The following RAD54L2 variants were observed in gnomAD, a reference collection of about 807,000 sequenced individuals.
The protein encoded by RAD54L2 is helicase ARIP4.
RAD54L2 carries 27 observed loss-of-function variants against 138.4 expected under a neutral mutation model. That is an observed-to-expected ratio of 0.20 (90% CI 0.14 to 0.27). The LOEUF (loss-of-function observed/expected upper bound fraction) is 0.27. Ranked by LOEUF, RAD54L2 falls within the 10% of genes least tolerant of loss-of-function variation. The pLI, the probability that RAD54L2 is intolerant of heterozygous loss-of-function variation, is 1.00. For synonymous variants in RAD54L2, 644 were observed against 723.2 expected, an observed-to-expected ratio of 0.89 and a Z score of 1.76; for missense variants, 1,396 against 1,890.2, an observed-to-expected ratio of 0.74 and a Z score of 4.85.
chr3:51,547,389 G>A lies in RAD54L2; in HGVS notation c.-55+5739G>A, dbSNP rs1315262971. Among the ~76,000 whole-genome samples, 13 of 151,866 alleles carry A rather than the reference G, an allele frequency of 8.6e-5. No individual in the cohort carries two copies. In the South Asian group the frequency reaches 2.5e-3, roughly 29 times the overall value. On this transcript the variant is annotated intron_variant, in intron 2 of 22. Transcript: ENST00000684192. ...AGACTCTGCCTCAAAAAAAAAAAAG[G>A]AAGATGTTATAATATAGATTGAAAG...
chr3:51,561,137 A>G (rs1699087643), intron 2 of RAD54L2, among the ~76,000 whole-genome samples: 1 of 152,094 alleles, frequency 6.6e-6, no homozygotes, highest in African/African-American at 2.4e-5. Context: ...CTCCAGGCTC[A>G]TTTTCTACTC....
rs139044505 is a variant in RAD54L2, at chr3:51,540,878, C to G, written c.-116-711C>G. Among the ~76,000 whole-genome samples, 429 of 152,076 alleles carry G rather than the reference C, an allele frequency of 2.8e-3. 3 individuals are homozygous for G. The highest frequency in any genetic ancestry group is 9.8e-3 in the African/African-American group (407 of 41,500). ...CCTGCATGGCGAAACCCTGTCTCTA[C>G]TAAAACTACAAAAATTAGCCGGTGG... On this transcript the variant is annotated intron_variant, in intron 1 of 22. Transcript: ENST00000684192.
chr3:51,559,832 A>G (rs941556486), intron 2 of RAD54L2, among the ~76,000 whole-genome samples: 6 of 152,242 alleles, frequency 3.9e-5, no homozygotes, highest in Non-Finnish European at 5.9e-5. Flanking sequence ...ATGAGAGCCA[A>G]CGTACTGATA....
intron 2 of RAD54L2, among the ~76,000 whole-genome samples, chr3:51,554,819 A>G (rs1265350777): frequency 6.6e-6 from 1 of 152,046 alleles, no homozygotes; most frequent in African/African-American, 2.4e-5. Flanking sequence ...CCCTTCTCTT[A>G]ACTCAGACCC....
chr3:51,666,209 T>TTTTA lies in RAD54L2; in HGVS notation c.*2789_*2790insTTTA, dbSNP rs1701909521. ...TTTTTTTTTTTTTTTTTTTTTTTTT[T>TTTTA]AAAGAAAATAACCTGAAAACACTTC... is the stretch of plus-strand genomic sequence containing the variant. On this transcript the variant is annotated 3_prime_UTR_variant, in exon 23 of 23. Coordinates refer to ENST00000684192, the MANE Select transcript of RAD54L2 (RefSeq NM_015106.4). The TTTTA allele has an allele frequency of 1.1e-4, 14 of 122,752 alleles. No individual in the cohort carries two copies. The highest frequency in any genetic ancestry group is 4.6e-4 in the African/African-American group (14 of 30,200). The allele number at this position is 122,752 out of a possible 1,614,324, so 7.6% of individuals were successfully genotyped here.
At chr3:51,588,500 A>G (rs904625820) in intron 2 of RAD54L2, among the ~76,000 whole-genome samples, 3 of 144,336 alleles carry the variant, frequency 2.1e-5, no homozygotes, top group Admixed American at 7.0e-5. Flanking sequence ...GTGCCACTGC[A>G]TGCCAGCCTG....
chr3:51,544,815 G>A (rs1698644720), intron 2 of RAD54L2, among the ~76,000 whole-genome samples: 1 of 152,110 alleles, frequency 6.6e-6, no homozygotes, highest in South Asian at 2.1e-4. Context: ...TGGCCAGGCT[G>A]GTCTTGAACT....
chr3:51,635,772 A>G lies in RAD54L2; in HGVS notation c.1322A>G (p.Gln441Arg). The G allele has an allele frequency of 6.2e-7, 1 of 1,611,270 alleles. No homozygotes were observed. Among genetic ancestry groups the G allele is most frequent in the Non-Finnish European group, 8.5e-7 (1 of 1,178,932 alleles). The change falls in exon 10 of 23, where the codon CAG (glutamine) becomes CGG (arginine). Residue 441 changes from glutamine to arginine, a missense_variant. By Grantham distance (43) the Gln-to-Arg change is conservative. This residue lies in a region of RAD54L2 where 169 missense variants were observed against 235.6 expected (regional missense o/e 0.72). Coordinates refer to ENST00000684192, the MANE Select transcript of RAD54L2 (RefSeq NM_015106.4). The stretch of plus-strand genomic sequence containing the variant: ...ATTGATCTAGATGAGGAAGATCGGC[A>G]GCAGGAGTTTCGGAGAGGTGGGCAG... ...VIIDLDEEDR[Q>R]QEFRREFEKA...
intron 4 of RAD54L2, 141 bp downstream of exon 4, chr3:51,627,895 T>C (rs1700730214): frequency 1.1e-6 from 1 of 937,520 alleles, no homozygotes. Context: ...GTGTCTTCAT[T>C]AATAGTGAAG....
intron 2 of RAD54L2, among the ~76,000 whole-genome samples, chr3:51,561,944 C>G (rs1559617553): frequency 6.6e-6 from 1 of 151,860 alleles, no homozygotes; most frequent in Non-Finnish European, 1.5e-5. Context: ...TTGTGGCTCA[C>G]TGCAACTTTG....
intron 2 of RAD54L2, among the ~76,000 whole-genome samples, chr3:51,543,185 A>G (rs551806879): frequency 6.6e-6 from 1 of 152,316 alleles, no homozygotes; most frequent in Non-Finnish European, 1.5e-5. Flanking sequence ...GAAAAAAAAA[A>G]AGTCCCACTA....
At chr3:51,542,262 C>T (rs1272475141) in intron 2 of RAD54L2, among the ~76,000 whole-genome samples, 1 of 152,086 alleles carries the variant, frequency 6.6e-6, no homozygotes, top group East Asian at 1.9e-4. Flanking sequence ...TGAGGGTGGT[C>T]AGTGCTGGTT....
In RAD54L2 at chr3:51,635,804, C is replaced by G; in HGVS notation, c.1339+15C>G. On this transcript the variant is annotated intron_variant, in intron 10 of 22. Coordinates refer to ENST00000684192, the MANE Select transcript of RAD54L2 (RefSeq NM_015106.4). ...GTTTCGGAGAGGTGGGCAGCCTATC[C>G]CAGGAATACTCTTGTTGGTGTTTCA... is the stretch of plus-strand genomic sequence containing the variant. 1 of 1,594,130 alleles carries G rather than the reference C, an allele frequency of 6.3e-7. No individual in the cohort carries two copies. The highest frequency in any genetic ancestry group is 8.5e-7 in the Non-Finnish European group (1 of 1,170,558).
In RAD54L2 at chr3:51,664,174, G is replaced by A. The variant is rs532987055; in HGVS notation, c.*754G>A. The A allele has an allele frequency of 4.6e-5, 7 of 152,162 alleles. No homozygotes were observed. The highest frequency in any genetic ancestry group is 1.7e-4 in the African/African-American group (7 of 41,448). 9.4% of individuals were successfully genotyped at this position (152,162 alleles called of 1,614,324 possible). A position where few individuals can be genotyped will look rare whatever the true frequency, so the allele number is the denominator to read the frequency against. Reference sequence around the variant, plus strand: ...TTCCTTCGGGATGGGTGAAGAGAAGGCCCAGCTAACTCAAGTCCCTGGTAT... The same window carrying A: ...TTCCTTCGGGATGGGTGAAGAGAAGACCCAGCTAACTCAAGTCCCTGGTAT... On this transcript the variant is annotated 3_prime_UTR_variant, in exon 23 of 23. Transcript: ENST00000684192.
chr3:51,581,111 GTTATTA>G (rs1161780788), intron 2 of RAD54L2, among the ~76,000 whole-genome samples: 5 of 152,090 alleles, frequency 3.3e-5, no homozygotes, highest in Admixed American at 6.6e-5. Flanking sequence ...AGCGGTGGTT[GTTATTA>G]TTATTAACGA....
chr3:51,551,734 C>T (rs966707557), intron 2 of RAD54L2, among the ~76,000 whole-genome samples: 10 of 151,694 alleles, frequency 6.6e-5, no homozygotes, highest in Non-Finnish European at 1.5e-4. Flanking sequence ...TGCACCCGGC[C>T]TGTAGGATAC....
rs1701256097 is a variant in RAD54L2 at position 51,645,505 on chromosome 3, C to T, written c.2657-86C>T. 7.4e-7 allele frequency: 1 copy of T among 1,343,422 alleles called. No homozygotes were observed. The highest frequency in any genetic ancestry group is 1.0e-6 in the Non-Finnish European group (1 of 992,466). 83.2% of individuals were successfully genotyped at this position (1,343,422 alleles called of 1,614,324 possible). A position where few individuals can be genotyped will look rare whatever the true frequency, so the allele number is the denominator to read the frequency against. On this transcript the variant is annotated intron_variant, in intron 17 of 22. Transcript: ENST00000684192. This position sits in a 1 kb window ranked among gnomAD's most constrained non-coding sequence, Gnocchi z 6.1. ...CACCTCAGACCTAGTCTTTGACTTTCAGATATGGGATGACTTTTCATTATT... is the reference window on the plus strand; with the variant it reads ...CACCTCAGACCTAGTCTTTGACTTTTAGATATGGGATGACTTTTCATTATT...
intron 15 of RAD54L2, among the ~76,000 whole-genome samples, chr3:51,642,489 G>A (rs1211266414): frequency 6.6e-6 from 1 of 152,022 alleles, no homozygotes; most frequent in Non-Finnish European, 1.5e-5. Context: ...TCCTTAGTGG[G>A]GTGGTAATGA....
intron 20 of RAD54L2, among the ~76,000 whole-genome samples, chr3:51,656,790 C>T (rs1039177860): frequency 6.6e-6 from 1 of 151,680 alleles, no homozygotes; most frequent in Non-Finnish European, 1.5e-5. Context: ...TGCTTTGTCA[C>T]TCAGGCTGGA....
Sources: allele counts gnomAD v4.1 joint callset (sites outside exome capture counted in the v4.1 genomes callset), GRCh38; gene constraint gnomAD v4.1.1; regional missense constraint gnomAD v4.1.1; non-coding constraint Gnocchi (gnomAD v3.1); transcripts MANE v1.5; gene names NCBI Gene and HGNC (gene_info 2026-07-23, HGNC 2026-07-21).